The following IGFBP7 variants were observed in gnomAD, a reference collection of about 807,000 sequenced individuals.
IGFBP7 encodes the protein insulin-like growth factor-binding protein 7.
Under a neutral mutation model 29.4 loss-of-function variants are expected in IGFBP7, and 31 were observed. The ratio of observed to expected loss-of-function variants is 1.05; its 90% CI spans 0.79 to 1.42. IGFBP7 has a LOEUF of 1.42. IGFBP7 is among the 40% of genes most tolerant of loss of function. The pLI is 0.00. For missense variants in IGFBP7, 393 were observed against 395.5 expected (o/e 0.99, Z 0.05); for synonymous variants, 172 against 174.9 (o/e 0.98, Z 0.13).
In IGFBP7 at chr4:57,110,261, T is replaced by C. The variant is rs747190634; in HGVS notation, c.91A>G (p.Thr31Ala). The C allele has an allele frequency of 2.8e-4, 391 of 1,417,366 alleles. No individual in the cohort carries two copies. Among genetic ancestry groups the C allele is most frequent in the Non-Finnish European group, 3.5e-4 (382 of 1,086,980 alleles). The allele number at this position is 1,417,366 out of a possible 1,614,324, so 87.8% of individuals were successfully genotyped here. The change falls in exon 1 of 5, where the codon ACC becomes GCC. Residue 31 changes from threonine to alanine, a missense_variant. Coordinates refer to ENST00000295666, the MANE Select transcript of IGFBP7 (RefSeq NM_001553.3). ...LPLSSSSSSDTCGPCEPASCP... is the reference protein window; with the variant it reads ...LPLSSSSSSDACGPCEPASCP... ...GAGGCCGGCTCGCAGGGGCCGCAGG[T>C]GTCCGAAGAGGAGGAAGAGGAGAGG...
chr4:57,080,405 G>A (rs555398155), intron 1 of IGFBP7, among the ~76,000 whole-genome samples: 26 of 152,226 alleles, frequency 1.7e-4, no homozygotes, highest in African/African-American at 6.3e-4. Flanking sequence ...CTGAAACAAC[G>A]GAAGCTGATA....
chr4:57,055,744 T>C (rs1193232314), intron 1 of IGFBP7, among the ~76,000 whole-genome samples: 2 of 152,112 alleles, frequency 1.3e-5, no homozygotes, highest in African/African-American at 4.8e-5. Flanking sequence ...CCCTTGACTG[T>C]TCTGTATGGA....
At chr4:57,070,979 T>G (rs1725038483) in intron 1 of IGFBP7, among the ~76,000 whole-genome samples, 1 of 152,262 alleles carries the variant, frequency 6.6e-6, no homozygotes, top group Non-Finnish European at 1.5e-5. Flanking sequence ...GGGTTCTCCC[T>G]GCACCTATTC....
chr4:57,064,635 TG>T (rs1343714392), intron 1 of IGFBP7, among the ~76,000 whole-genome samples: 1 of 152,194 alleles, frequency 6.6e-6, no homozygotes, highest in African/African-American at 2.4e-5. Context: ...ATTCTCCTCT[TG>T]TGATAAATAA....
intron 2 of IGFBP7, among the ~76,000 whole-genome samples, chr4:57,035,570 C>T (rs1249316084): frequency 6.6e-6 from 1 of 152,188 alleles, no homozygotes; most frequent in Admixed American, 6.5e-5. Flanking sequence ...CAGTGATTCT[C>T]CTGCCTCAGC....
At chr4:57,053,469 T>C (rs1724565424) in intron 1 of IGFBP7, among the ~76,000 whole-genome samples, 1 of 152,180 alleles carries the variant, frequency 6.6e-6, no homozygotes, top group African/African-American at 2.4e-5. Context: ...GAAGGGACCC[T>C]GCTACTGCCA....
intron 1 of IGFBP7, among the ~76,000 whole-genome samples, chr4:57,083,921 C>T (rs1002862981): frequency 5.3e-5 from 8 of 152,132 alleles, no homozygotes; most frequent in African/African-American, 1.9e-4. Context: ...CCTAATCCAT[C>T]TTAAATTTGT....
At chr4:57,032,664 C>T (rs1723966420) in intron 3 of IGFBP7, 112 bp from the exon 4 acceptor site, 2 of 849,892 alleles carry the variant, frequency 2.4e-6, no homozygotes, top group Admixed American at 3.6e-5. Context: ...GGATTCATAG[C>T]AAAGGTACTG....
chr4:57,068,587 T>C (rs17087471), intron 1 of IGFBP7, among the ~76,000 whole-genome samples: 1,784 of 152,184 alleles, frequency 0.012, 41 homozygotes, highest in African/African-American at 0.042. Context: ...ATGAAGAACA[T>C]ACAAATGGCA....
intron 1 of IGFBP7, among the ~76,000 whole-genome samples, chr4:57,084,149 T>C (rs1725439767): frequency 6.6e-6 from 1 of 152,188 alleles, no homozygotes; most frequent in Non-Finnish European, 1.5e-5. Context: ...GACAGCTAAT[T>C]TTGTTCGCAT....
At chr4:57,065,058 G>A (rs1724884785) in intron 1 of IGFBP7, among the ~76,000 whole-genome samples, 3 of 152,248 alleles carry the variant, frequency 2.0e-5, no homozygotes, top group African/African-American at 4.8e-5. Flanking sequence ...CTCCAGGGAA[G>A]TAATTCCCCC....
chr4:57,084,775 A>T (rs1007585379), intron 1 of IGFBP7, among the ~76,000 whole-genome samples: 60 of 135,536 alleles, frequency 4.4e-4, no homozygotes, highest in African/African-American at 1.6e-3. Flanking sequence ...TTTTACTCAG[A>T]TGTTTAAAAA....
chr4:57,105,719 T>C (rs1448447442), intron 1 of IGFBP7, among the ~76,000 whole-genome samples: 1 of 152,174 alleles, frequency 6.6e-6, no homozygotes, highest in Non-Finnish European at 1.5e-5. Context: ...CATCTTAACT[T>C]CTCTGCTATA....
At chr4:57,081,273 T>C (rs1381096889) in intron 1 of IGFBP7, among the ~76,000 whole-genome samples, 13 of 152,116 alleles carry the variant, frequency 8.5e-5, no homozygotes, top group Non-Finnish European at 2.9e-5. Context: ...TTCTGGCCCA[T>C]ACTCAGCTAT....
chr4:57,040,677 GGA>G (rs1446194414), intron 2 of IGFBP7, 145 bp downstream of exon 2: 2 of 679,926 alleles, frequency 2.9e-6, no homozygotes, highest in Admixed American at 4.2e-5. Flanking sequence ...TGAATCCAGG[GGA>G]GGGGCCTGTA....
intron 1 of IGFBP7, among the ~76,000 whole-genome samples, chr4:57,105,805 GA>G (rs1273084441): frequency 6.6e-6 from 1 of 152,088 alleles, no homozygotes; most frequent in African/African-American, 2.4e-5. Context: ...CATAGCTCTA[GA>G]AGAACAAATA....
intron 2 of IGFBP7, 145 bp from the exon 3 acceptor site, chr4:57,033,456 CTAAA>C (rs1457094237): frequency 1.4e-6 from 1 of 704,904 alleles, no homozygotes; most frequent in Non-Finnish European, 2.6e-6. Context: ...TTTCCCTTTC[CTAAA>C]TACTTTTAAA....
intron 1 of IGFBP7, among the ~76,000 whole-genome samples, chr4:57,081,407 T>G (rs775689611): frequency 3.3e-5 from 5 of 152,116 alleles, no homozygotes; most frequent in Non-Finnish European, 4.4e-5. Flanking sequence ...ACTCACACCA[T>G]AGACCACATA....
intron 1 of IGFBP7, among the ~76,000 whole-genome samples, chr4:57,062,240 G>A (rs985282995): frequency 2.0e-5 from 3 of 151,958 alleles, no homozygotes; most frequent in East Asian, 1.9e-4. Context: ...AGGTGTTTGC[G>A]GAGAAGAAAA....
Sources: gnomAD v4.1 joint callset for allele counts (sites outside exome capture counted in the v4.1 genomes callset) on GRCh38, gnomAD v4.1.1 for gene constraint, MANE v1.5 for transcripts, NCBI Gene and HGNC (gene_info 2026-07-23, HGNC 2026-07-21) for gene names.